TMEM132B: variants seen among roughly 807,000 people sequenced by gnomAD.
TMEM132B encodes transmembrane protein 132B.
In TMEM132B, 18 loss-of-function variants were observed where a neutral mutation model predicts 90.8. The ratio of observed to expected loss-of-function variants is 0.20; its 90% CI spans 0.14 to 0.29. TMEM132B has a LOEUF of 0.29. TMEM132B is among the 10% of genes least tolerant of loss of function. The probability of loss-of-function intolerance (pLI) is 1.00; values close to 1 mark genes in which losing one functional copy is unlikely to be tolerated. For missense variants in TMEM132B, 1,096 were observed against 1,326.8 expected, an observed-to-expected ratio of 0.83 and a Z score of 2.70; for synonymous variants, 504 against 523.3, an observed-to-expected ratio of 0.96 and a Z score of 0.50.
intron 3 of TMEM132B, among the ~76,000 whole-genome samples, chr12:125,517,916 T>C (rs528638401): frequency 2.0e-5 from 3 of 152,326 alleles, no homozygotes; most frequent in Admixed American, 6.5e-5. Flanking sequence ...GAAATTAGGA[T>C]AGTGTGACTG....
chr12:125,344,393 G>A (rs1276384937), intron 1 of TMEM132B, among the ~76,000 whole-genome samples: 2 of 152,222 alleles, frequency 1.3e-5, no homozygotes, highest in African/African-American at 4.8e-5. Flanking sequence ...GCAGGAGCTG[G>A]AAGCTGTTGT....
rs1363919761 is a variant in TMEM132B, at chr12:125,415,701, A to G, written c.1106+24A>G. ...AGGTAAGCATGGAGATCCCCAAGGC[A>G]CCTCCGCAGTGGGGAGGAGGGGAGT... is the stretch of plus-strand genomic sequence containing the variant. On this transcript the variant is annotated intron_variant, in intron 3 of 8. Coordinates refer to ENST00000682704, the MANE Select transcript of TMEM132B (RefSeq NM_001366854.1). This position sits in a 1 kb window ranked among gnomAD's most constrained non-coding sequence, Gnocchi z 5.3. 6.2e-7 allele frequency: 1 copy of G among 1,612,356 alleles called. No individual in the cohort carries two copies. The highest frequency in any genetic ancestry group is 8.5e-7 in the Non-Finnish European group (1 of 1,179,130).
chr12:125,587,632 C>T (rs1466840333), intron 5 of TMEM132B: 1 of 152,180 alleles, frequency 6.6e-6, no homozygotes, highest in East Asian at 1.9e-4. Context: ...GTCTCCACCA[C>T]TCCCTTTTGT....
rs79897563 is a variant in TMEM132B, at chr12:125,448,810, T to A, written c.1106+33133T>A. On this transcript the variant is annotated intron_variant, in intron 3 of 8. Coordinates refer to ENST00000682704, the MANE Select transcript of TMEM132B (RefSeq NM_001366854.1). ...TACAGTAATGTATGAGAGTTTCAGT[T>A]GCTCCTCATTCTTGTCAACATTTGA... Among the ~76,000 whole-genome samples, 196 of 152,316 alleles carry A rather than the reference T, an allele frequency of 1.3e-3. No individual in the cohort carries two copies. In the East Asian group the frequency reaches 0.029, roughly 22 times the overall value.
chr12:125,480,803 CA>C (rs1192824043), intron 3 of TMEM132B, among the ~76,000 whole-genome samples: 1 of 151,956 alleles, frequency 6.6e-6, no homozygotes, highest in African/African-American at 2.4e-5. Flanking sequence ...AGATACACAA[CA>C]AAAAAAGAGA....
chr12:125,249,263 A>G (rs907855400), intron 1 of TMEM132B, among the ~76,000 whole-genome samples: 1 of 152,164 alleles, frequency 6.6e-6, no homozygotes, highest in Non-Finnish European at 1.5e-5. Flanking sequence ...GCTCCATCCC[A>G]GAGTTTCTGA....
chr12:125,392,973 C>T (rs536125771), intron 2 of TMEM132B, among the ~76,000 whole-genome samples: 4 of 152,164 alleles, frequency 2.6e-5, no homozygotes, highest in East Asian at 1.9e-4. Context: ...TTCCCTCCTG[C>T]GTAGCCTGCC....
intron 3 of TMEM132B, among the ~76,000 whole-genome samples, chr12:125,449,255 C>G (rs1881087614): frequency 6.6e-6 from 1 of 152,198 alleles, no homozygotes; most frequent in Non-Finnish European, 1.5e-5. Context: ...GCGTGAGCCA[C>G]CGCGCCTGGC....
chr12:125,500,102 T>C (rs1882659798), intron 3 of TMEM132B, among the ~76,000 whole-genome samples: 1 of 152,168 alleles, frequency 6.6e-6, no homozygotes, highest in Non-Finnish European at 1.5e-5. Context: ...TTTCACTATC[T>C]TGTGTGTGTC....
chr12:125,340,716 C>T (rs990529615), intron 1 of TMEM132B, among the ~76,000 whole-genome samples: 10 of 152,170 alleles, frequency 6.6e-5, no homozygotes, highest in Admixed American at 5.2e-4. Context: ...GAGTGTACAA[C>T]GTTGGGTTTT....
At chr12:125,245,907 C>G (rs1472592857) in intron 1 of TMEM132B, among the ~76,000 whole-genome samples, 1 of 152,182 alleles carries the variant, frequency 6.6e-6, no homozygotes. Flanking sequence ...AATGGGGTCC[C>G]GAGCTGCCAG....
At chr12:125,545,067 G>A (rs966053825) in intron 4 of TMEM132B, among the ~76,000 whole-genome samples, 15 of 152,186 alleles carry the variant, frequency 9.9e-5, no homozygotes, top group East Asian at 1.9e-4. Flanking sequence ...CTGAGTAAGC[G>A]TGACCTCCAG....
intron 3 of TMEM132B, among the ~76,000 whole-genome samples, chr12:125,456,109 A>G (rs1455811712): frequency 6.6e-6 from 1 of 152,186 alleles, no homozygotes; most frequent in East Asian, 1.9e-4. Context: ...GCAGTTTGTG[A>G]CCCTTAGAGT....
Position 125,567,090 on chromosome 12 carries a change from C to T in TMEM132B, c.1294-16761C>T, listed in dbSNP as rs149697475. Among the ~76,000 whole-genome samples the T allele has an allele frequency of 3.1e-3, 470 of 152,126 alleles. 1 individual carries two copies. Among genetic ancestry groups the T allele is most frequent in the African/African-American group, 0.011 (461 of 41,520 alleles). ...AATGACTAACCTCAGGTGATCTGCC[C>T]GCCTTGGCCTCCCAAAGTGCTGGGA... is the stretch of plus-strand genomic sequence containing the variant. On this transcript the variant is annotated intron_variant, in intron 4 of 8. Transcript: ENST00000682704.
At chr12:125,359,366 G>A (rs1340854887) in intron 2 of TMEM132B, among the ~76,000 whole-genome samples, 1 of 151,840 alleles carries the variant, frequency 6.6e-6, no homozygotes, top group Admixed American at 6.6e-5. Flanking sequence ...ATATACTTTA[G>A]CACTGTTAAA....
chr12:125,276,706 C>T (rs1875000258), intron 1 of TMEM132B, among the ~76,000 whole-genome samples: 1 of 152,168 alleles, frequency 6.6e-6, no homozygotes, highest in Admixed American at 6.5e-5. Context: ...CTTGACCTGA[C>T]CCTTGTTGGT....
At chr12:125,645,857 T>C (rs952844788) in intron 6 of TMEM132B, among the ~76,000 whole-genome samples, 1 of 152,222 alleles carries the variant, frequency 6.6e-6, no homozygotes, top group Non-Finnish European at 1.5e-5. Context: ...GGGTGGAATG[T>C]AGCCGTAACT....
intron 5 of TMEM132B, among the ~76,000 whole-genome samples, chr12:125,641,094 C>G (rs975070962): frequency 1.3e-5 from 2 of 152,164 alleles, no homozygotes; most frequent in Non-Finnish European, 2.9e-5. Context: ...AGCGCCCAAG[C>G]TGAAGCTTCC....
At chr12:125,188,916 G>T (rs1957778970) in intron 1 of TMEM132B, among the ~76,000 whole-genome samples, 1 of 150,662 alleles carries the variant, frequency 6.6e-6, no homozygotes, top group Admixed American at 6.6e-5. Context: ...GCCTACACTT[G>T]GTTTTGAGAG....
Sources: gnomAD v4.1 joint callset for allele counts (sites outside exome capture counted in the v4.1 genomes callset) on GRCh38, gnomAD v4.1.1 for gene constraint, Gnocchi (gnomAD v3.1) non-coding constraint, MANE v1.5 for transcripts, NCBI Gene and HGNC (gene_info 2026-07-23, HGNC 2026-07-21) for gene names.